TP63: variants seen among roughly 807,000 people sequenced by gnomAD.
TP63 encodes the protein tumor protein p63, also known as tumor protein 63.
Under a neutral mutation model 82.8 loss-of-function variants are expected in TP63, and 17 were observed. That is an observed-to-expected ratio of 0.21 (90% CI 0.14 to 0.31). The LOEUF (loss-of-function observed/expected upper bound fraction) is 0.31, where lower values mean the gene tolerates loss of function less well. TP63 is among the 10% of genes least tolerant of loss of function. The pLI is 1.00. For synonymous variants in TP63, 330 were observed against 321.7 expected, an observed-to-expected ratio of 1.03 and a Z score of -0.28; for missense variants, 648 against 895.3, an observed-to-expected ratio of 0.72 and a Z score of 3.52.
intron 1 of TP63, among the ~76,000 whole-genome samples, chr3:189,649,387 G>A (rs1004823131): frequency 6.8e-6 from 1 of 146,624 alleles, no homozygotes; most frequent in Non-Finnish European, 1.5e-5. Flanking sequence ...AAACCAAATA[G>A]CATTATGTTT....
chr3:189,707,009 C>A (rs1176779711), intron 1 of TP63, among the ~76,000 whole-genome samples: 1 of 151,102 alleles, frequency 6.6e-6, no homozygotes, highest in Non-Finnish European at 1.5e-5. Flanking sequence ...TTTGCTAGCT[C>A]ACTTTCTTAA....
intron 4 of TP63, among the ~76,000 whole-genome samples, chr3:189,845,617 T>G (rs1205707177): frequency 6.6e-6 from 1 of 151,562 alleles, no homozygotes; most frequent in Non-Finnish European, 1.5e-5. Context: ...TTGGTGTATT[T>G]AAGCCTTTCT....
intron 1 of TP63, among the ~76,000 whole-genome samples, chr3:189,642,690 A>T (rs1276092365): frequency 6.6e-6 from 1 of 152,168 alleles, no homozygotes; most frequent in East Asian, 1.9e-4. Context: ...AGGTCTTATT[A>T]TTTATATTTT....
At chr3:189,812,365 A>G (rs900069802) in intron 4 of TP63, among the ~76,000 whole-genome samples, 2 of 152,212 alleles carry the variant, frequency 1.3e-5, no homozygotes, top group African/African-American at 4.8e-5. Context: ...TCTGTTTCAC[A>G]CACACATACA....
At chr3:189,846,096 G>A (rs546674112) in intron 4 of TP63, among the ~76,000 whole-genome samples, 20 of 152,076 alleles carry the variant, frequency 1.3e-4, no homozygotes, top group African/African-American at 4.8e-4. Context: ...AGGTGGTAAA[G>A]GTAGGGTCCT....
intron 3 of TP63, among the ~76,000 whole-genome samples, chr3:189,796,690 A>C (rs920664805): frequency 2.0e-5 from 3 of 152,070 alleles, no homozygotes; most frequent in Admixed American, 6.6e-5. Context: ...AGTTCAATGA[A>C]GTGTCTGTAA....
At chr3:189,842,844 T>C (rs574933059) in intron 4 of TP63, among the ~76,000 whole-genome samples, 1 of 152,302 alleles carries the variant, frequency 6.6e-6, no homozygotes, top group East Asian at 1.9e-4. Context: ...ACCTGCTGTA[T>C]GACAGTCACT....
chr3:189,882,272 T>C (rs902887661), intron 10 of TP63, among the ~76,000 whole-genome samples: 2 of 152,134 alleles, frequency 1.3e-5, no homozygotes, highest in Non-Finnish European at 1.5e-5. Flanking sequence ...GTGTTTATAG[T>C]GACTTGTATA....
intron 1 of TP63, among the ~76,000 whole-genome samples, chr3:189,716,148 A>G (rs1433781103): frequency 6.6e-6 from 1 of 152,252 alleles, no homozygotes; most frequent in Non-Finnish European, 1.5e-5. Context: ...TGGCAAAACC[A>G]CATTTCTAAA....
At chr3:189,622,249 A>G in the TP63 span, among the ~76,000 whole-genome samples, 2 of 152,352 alleles carry the variant, frequency 1.3e-5, no homozygotes, top group African/African-American at 4.8e-5. Context: ...CTGGACCAGG[A>G]AAGAGACACT....
chr3:189,843,384 C>T (rs1714420241), intron 4 of TP63, among the ~76,000 whole-genome samples: 1 of 152,178 alleles, frequency 6.6e-6, no homozygotes, highest in African/African-American at 2.4e-5. Flanking sequence ...ATGTGCCGCT[C>T]CCAGCCTCCT....
chr3:189,881,510 T>C, intron 10 of TP63: 5 of 985,368 alleles, frequency 5.1e-6, no homozygotes, highest in Non-Finnish European at 6.0e-6. Context: ...TGCAGTTTTT[T>C]TGTTTCTGTC....
At chr3:189,632,712 C>T (rs536032974) in intron 1 of TP63, among the ~76,000 whole-genome samples, 35 of 152,142 alleles carry the variant, frequency 2.3e-4, no homozygotes, top group Admixed American at 9.2e-4. Flanking sequence ...TGGCTTGATT[C>T]GTGTCTTGCT....
the TP63 span, among the ~76,000 whole-genome samples, chr3:189,600,617 C>A: frequency 1.3e-5 from 2 of 152,248 alleles, no homozygotes; most frequent in East Asian, 3.9e-4. Flanking sequence ...AACTCTACTG[C>A]CTCTTTATAC....
chr3:189,816,720 CA>C (rs1728221872), intron 4 of TP63, among the ~76,000 whole-genome samples: 1 of 152,074 alleles, frequency 6.6e-6, no homozygotes, highest in East Asian at 1.9e-4. Flanking sequence ...TGAAGCCCTG[CA>C]GACATTTTGT....
At chr3:189,782,534 A>G (rs917528474) in intron 3 of TP63, among the ~76,000 whole-genome samples, 5 of 152,214 alleles carry the variant, frequency 3.3e-5, no homozygotes, top group African/African-American at 7.2e-5. Flanking sequence ...TTTAGTAGCC[A>G]TCTTCAGAAA....
At chr3:189,673,865 A>G (rs373061418) in intron 1 of TP63, among the ~76,000 whole-genome samples, 6 of 152,172 alleles carry the variant, frequency 3.9e-5, no homozygotes, top group South Asian at 2.1e-4. Context: ...AAATATGTGA[A>G]GTAATTGGCA....
intron 4 of TP63, among the ~76,000 whole-genome samples, chr3:189,841,157 A>G (rs1448483508): frequency 6.6e-6 from 1 of 152,172 alleles, no homozygotes; most frequent in African/African-American, 2.4e-5. Context: ...TACATATAGT[A>G]TGTGCCTTAT....
chr3:189,833,009 C>G (rs768555627), intron 4 of TP63, among the ~76,000 whole-genome samples: 1 of 152,196 alleles, frequency 6.6e-6, no homozygotes, highest in Non-Finnish European at 1.5e-5. Flanking sequence ...AGAGCAGAGG[C>G]AAAGGTGAGA....
Sources: allele counts gnomAD v4.1 joint callset (sites outside exome capture counted in the v4.1 genomes callset), GRCh38; gene constraint gnomAD v4.1.1; transcripts MANE v1.5; gene names NCBI Gene and HGNC (gene_info 2026-07-23, HGNC 2026-07-21).